Variants in THUMPD2 observed in about 807,000 individuals in gnomAD.
The protein encoded by THUMPD2 is U6 snRNA (guanine-N(2))-methyltransferase THUMPD2.
In THUMPD2, 56 loss-of-function variants were observed where a neutral mutation model predicts 49.4. The observed-to-expected ratio is 1.13, with a 90% CI of 0.91 to 1.41. The LOEUF (loss-of-function observed/expected upper bound fraction) is 1.41, where lower values mean the gene tolerates loss of function less well. THUMPD2 is among the 40% of genes most tolerant of loss of function. The pLI, the probability that THUMPD2 is intolerant of heterozygous loss-of-function variation, is 0.00. For missense variants in THUMPD2, 709 were observed against 594.5 expected, an observed-to-expected ratio of 1.19 and a Z score of -2.00; for synonymous variants, 237 against 205.2, an observed-to-expected ratio of 1.15 and a Z score of -1.32.
chr2:39,776,432 C>A (rs948010346), intron 1 of THUMPD2, among the ~76,000 whole-genome samples: 3 of 148,250 alleles, frequency 2.0e-5, no homozygotes, highest in African/African-American at 7.5e-5. Context: ...CTCACTCTGT[C>A]ACCCAGGCTG....
intron 8 of THUMPD2, among the ~76,000 whole-genome samples, chr2:39,752,351 G>C (rs1675520589): frequency 6.6e-6 from 1 of 152,164 alleles, no homozygotes; most frequent in African/African-American, 2.4e-5. Flanking sequence ...GTGGAGCTAG[G>C]ATTTATACTT....
chr2:39,762,984 G>A lies in THUMPD2; in HGVS notation c.804-1566C>T, dbSNP rs150351688. On this transcript the variant is annotated intron_variant, in intron 5 of 9. Coordinates refer to ENST00000505747, the MANE Select transcript of THUMPD2 (RefSeq NM_025264.5). ...ATGTTCACATTTTGCTTAAACCTGG[G>A]CAAAATTATCTCATTACTTCAACAA... Among the ~76,000 whole-genome samples the A allele has an allele frequency of 2.0e-4, 30 of 151,670 alleles. No homozygotes were observed. In the East Asian group the frequency reaches 2.7e-3, roughly 14 times the overall value.
intron 7 of THUMPD2, 93 bp from the exon 8 acceptor site, chr2:39,755,502 G>GA (rs1207568305): frequency 7.6e-6 from 6 of 785,572 alleles, no homozygotes; most frequent in Non-Finnish European, 1.2e-5. Flanking sequence ...AATGACAAGT[G>GA]AAATTAGTAG....
chr2:39,772,669 A>G (rs866484751), intron 1 of THUMPD2, among the ~76,000 whole-genome samples: 7 of 152,308 alleles, frequency 4.6e-5, no homozygotes, highest in Non-Finnish European at 1.0e-4. Flanking sequence ...TTTAGGGTCA[A>G]CCCAACCCTC....
At chr2:39,750,934 C>T (rs944293359) in intron 8 of THUMPD2, among the ~76,000 whole-genome samples, 2 of 152,178 alleles carry the variant, frequency 1.3e-5, no homozygotes, top group African/African-American at 4.8e-5. Context: ...AACCTTATTG[C>T]TTCTGAAAGA....
Position 39,770,638 on chromosome 2 carries a change from G to A in THUMPD2, c.263-519C>T, listed in dbSNP as rs550973039. Among the ~76,000 whole-genome samples the A allele has an allele frequency of 2.0e-5, 3 of 152,090 alleles. No individual in the cohort carries two copies. The South Asian group carries it at 6.2e-4, about 32-fold the overall frequency. ...CAACCCATTTATAGCTTAGCATACT[G>A]CCAGTATGCTCAGCAAAGTTTAATC... is the stretch of plus-strand genomic sequence containing the variant. On this transcript the variant is annotated intron_variant, in intron 2 of 9. Coordinates refer to ENST00000505747, the MANE Select transcript of THUMPD2 (RefSeq NM_025264.5).
At chr2:39,773,879 A>G (rs973710617) in intron 1 of THUMPD2, among the ~76,000 whole-genome samples, 5 of 152,222 alleles carry the variant, frequency 3.3e-5, no homozygotes, top group Non-Finnish European at 7.3e-5. Context: ...TTCTTGTAGA[A>G]TAAGCATATT....
At chr2:39,739,212 C>T (rs1673563663) in intron 9 of THUMPD2, among the ~76,000 whole-genome samples, 1 of 152,218 alleles carries the variant, frequency 6.6e-6, no homozygotes, top group East Asian at 1.9e-4. Flanking sequence ...CATTCTAACC[C>T]CCTTACTCTG....
At chr2:39,759,030 T>C (rs1336175383) in intron 6 of THUMPD2, among the ~76,000 whole-genome samples, 1 of 152,138 alleles carries the variant, frequency 6.6e-6, no homozygotes, top group Non-Finnish European at 1.5e-5. Context: ...GTGACTCTTG[T>C]AATTTGGAAG....
intron 1 of THUMPD2, among the ~76,000 whole-genome samples, chr2:39,774,802 GT>G (rs529677762): frequency 5.3e-4 from 80 of 151,710 alleles, no homozygotes; most frequent in African/African-American, 1.8e-3. Context: ...TATACAATCT[GT>G]TTTTTTCTAT....
At chr2:39,739,570 T>G (rs1457581340) in intron 9 of THUMPD2, among the ~76,000 whole-genome samples, 1 of 152,222 alleles carries the variant, frequency 6.6e-6, no homozygotes, top group African/African-American at 2.4e-5. Context: ...CTTCTCACAA[T>G]GAATGGTCAG....
At chr2:39,743,443 G>T (rs2058620) in intron 9 of THUMPD2, among the ~76,000 whole-genome samples, 4 of 152,122 alleles carry the variant, frequency 2.6e-5, no homozygotes, top group African/African-American at 9.6e-5. Flanking sequence ...TTTCATTTCA[G>T]AGCTGCTATA....
chr2:39,757,003 C>T (rs1676231812), intron 6 of THUMPD2, among the ~76,000 whole-genome samples: 1 of 149,454 alleles, frequency 6.7e-6, no homozygotes, highest in African/African-American at 2.5e-5. Flanking sequence ...CTGGGTATGA[C>T]AAGGTCTAGG....
intron 6 of THUMPD2, among the ~76,000 whole-genome samples, chr2:39,760,162 A>C (rs1170089586): frequency 6.6e-6 from 1 of 152,174 alleles, no homozygotes; most frequent in East Asian, 1.9e-4. Context: ...CTTCTCCAGT[A>C]GTTGGGGCTT....
chr2:39,763,621 T>A (rs1677119297), intron 5 of THUMPD2, among the ~76,000 whole-genome samples: 1 of 152,194 alleles, frequency 6.6e-6, no homozygotes, highest in African/African-American at 2.4e-5. Context: ...GGCCTTTTTG[T>A]TACCTCCAAG....
chr2:39,774,606 A>G (rs1370927450), intron 1 of THUMPD2, among the ~76,000 whole-genome samples: 1 of 152,226 alleles, frequency 6.6e-6, no homozygotes, highest in African/African-American at 2.4e-5. Flanking sequence ...CTTTGTGAAG[A>G]TAGGTATGAT....
At chr2:39,775,473 G>A (rs924117872) in intron 1 of THUMPD2, among the ~76,000 whole-genome samples, 1 of 152,000 alleles carries the variant, frequency 6.6e-6, no homozygotes, top group African/African-American at 2.4e-5. Context: ...CACTTAATTT[G>A]TAAAAAGGGC....
intron 2 of THUMPD2, among the ~76,000 whole-genome samples, 198 bp from the exon 3 acceptor site, chr2:39,770,317 T>C (rs1047112110): frequency 3.9e-5 from 6 of 152,114 alleles, no homozygotes; most frequent in Non-Finnish European, 5.9e-5. Context: ...CATTCTTACA[T>C]TGCATATATA....
At chr2:39,777,076 C>G (rs1679207548) in intron 1 of THUMPD2, among the ~76,000 whole-genome samples, 1 of 152,178 alleles carries the variant, frequency 6.6e-6, no homozygotes, top group Admixed American at 6.5e-5. Context: ...ACTCTCTTAT[C>G]ATTGAAAGAA....
Sources: allele counts gnomAD v4.1 joint callset (sites outside exome capture counted in the v4.1 genomes callset), GRCh38; gene constraint gnomAD v4.1.1; transcripts MANE v1.5; gene names NCBI Gene and HGNC (gene_info 2026-07-23, HGNC 2026-07-21).